The following SDCCAG8 variants were observed in gnomAD, a reference collection of about 807,000 sequenced individuals.
The protein encoded by SDCCAG8 is SHH signaling and ciliogenesis regulator SDCCAG8.
In SDCCAG8, 74 loss-of-function variants were observed where a neutral mutation model predicts 101.8. The ratio of observed to expected loss-of-function variants is 0.73; its 90% CI spans 0.60 to 0.88. The LOEUF is 0.88. Among genes scored for constraint, SDCCAG8 ranks in the 40% least tolerant of loss-of-function variants. SDCCAG8 has a pLI of 0.00. For missense variants in SDCCAG8, 787 were observed against 822.6 expected (o/e 0.96, Z 0.53); for synonymous variants, 281 against 292.9 (o/e 0.96, Z 0.41).
At chr1:243,276,297 T>C (rs1373444172) in intron 4 of SDCCAG8, among the ~76,000 whole-genome samples, 1 of 152,178 alleles carries the variant, frequency 6.6e-6, no homozygotes, top group Admixed American at 6.5e-5. Flanking sequence ...TACTTTATCT[T>C]CCTGCAGTGG....
intron 17 of SDCCAG8, among the ~76,000 whole-genome samples, chr1:243,489,754 G>C (rs1035854575): frequency 1.3e-5 from 2 of 152,170 alleles, no homozygotes; most frequent in Admixed American, 1.3e-4. Context: ...GCCCAGACAA[G>C]CATTACAGCT....
At chr1:243,492,099 G>C (rs557549154) in intron 17 of SDCCAG8, among the ~76,000 whole-genome samples, 2 of 152,112 alleles carry the variant, frequency 1.3e-5, no homozygotes, top group South Asian at 2.1e-4. Context: ...CTGTTGGCAG[G>C]CTTCATTATT....
intron 12 of SDCCAG8, among the ~76,000 whole-genome samples, chr1:243,347,227 G>A (rs1395091530): frequency 6.6e-6 from 1 of 151,840 alleles, no homozygotes; most frequent in Non-Finnish European, 1.5e-5. Flanking sequence ...ATTTTAAATG[G>A]ATCTCAGACC....
At chr1:243,392,084 C>T (rs975077799) in intron 13 of SDCCAG8, among the ~76,000 whole-genome samples, 1 of 152,156 alleles carries the variant, frequency 6.6e-6, no homozygotes, top group Non-Finnish European at 1.5e-5. Flanking sequence ...TTCCTACAGA[C>T]CTTAACTGTG....
intron 12 of SDCCAG8, among the ~76,000 whole-genome samples, chr1:243,348,046 T>C (rs2075831226): frequency 6.8e-6 from 1 of 146,184 alleles, no homozygotes; most frequent in Non-Finnish European, 1.5e-5. Context: ...TCTTTTTTTT[T>C]TTTTTTTAGG....
chr1:243,441,094 T>A (rs1000403188), intron 16 of SDCCAG8, among the ~76,000 whole-genome samples: 19 of 152,240 alleles, frequency 1.2e-4, no homozygotes, highest in Non-Finnish European at 2.5e-4. Flanking sequence ...GCCGGTATTT[T>A]AAAGGCATTT....
intron 13 of SDCCAG8, among the ~76,000 whole-genome samples, chr1:243,392,878 T>A (rs1482179067): frequency 2.0e-5 from 3 of 152,360 alleles, no homozygotes; most frequent in Non-Finnish European, 4.4e-5. Flanking sequence ...GCAAATAAAC[T>A]GTTAACGGAG....
chr1:243,442,829 A>G (rs2082635079), intron 16 of SDCCAG8, among the ~76,000 whole-genome samples: 2 of 152,198 alleles, frequency 1.3e-5, no homozygotes, highest in Non-Finnish European at 2.9e-5. Context: ...CCTGATTTAA[A>G]TGTTTGGCTG....
At chr1:243,298,131 C>T (rs1290160953) in intron 6 of SDCCAG8, among the ~76,000 whole-genome samples, 3 of 151,206 alleles carry the variant, frequency 2.0e-5, no homozygotes, top group Non-Finnish European at 4.4e-5. Context: ...TCACTGCAAC[C>T]TCCACCTCCC....
At chr1:243,388,982 G>A (rs1057215458) in intron 13 of SDCCAG8, among the ~76,000 whole-genome samples, 2 of 140,332 alleles carry the variant, frequency 1.4e-5, no homozygotes, top group South Asian at 2.4e-4. Context: ...GGGAGGCTAC[G>A]TGGTGGTGCG....
chr1:243,475,553 T>C (rs1662241642), intron 16 of SDCCAG8, among the ~76,000 whole-genome samples: 1 of 152,136 alleles, frequency 6.6e-6, no homozygotes, highest in South Asian at 2.1e-4. Flanking sequence ...AAACCCCTCG[T>C]CCGCTCTCAG....
intron 10 of SDCCAG8, among the ~76,000 whole-genome samples, chr1:243,335,649 T>C (rs1262832130): frequency 6.6e-6 from 1 of 152,192 alleles, no homozygotes; most frequent in African/African-American, 2.4e-5. Context: ...TATTTTTAAC[T>C]TTTAGATTCA....
At chr1:243,320,432 A>G (rs1187807155) in intron 9 of SDCCAG8, among the ~76,000 whole-genome samples, 1 of 152,080 alleles carries the variant, frequency 6.6e-6, no homozygotes, top group Non-Finnish European at 1.5e-5. Context: ...ATTCTTTCCC[A>G]TGCCCGTGGT....
At chr1:243,462,378 G>A (rs1659294356) in intron 16 of SDCCAG8, among the ~76,000 whole-genome samples, 1 of 152,192 alleles carries the variant, frequency 6.6e-6, no homozygotes, top group Admixed American at 6.5e-5. Flanking sequence ...ATAAAGACAT[G>A]ACAGAAAGCA....
intron 1 of SDCCAG8, among the ~76,000 whole-genome samples, chr1:243,257,118 C>T (rs573961433): frequency 1.1e-3 from 162 of 152,216 alleles, no homozygotes; most frequent in Middle Eastern, 6.8e-3. Flanking sequence ...ATGAAATAAT[C>T]CCCATAAAGC....
chr1:243,397,383 T>A (rs544510310), intron 13 of SDCCAG8, among the ~76,000 whole-genome samples: 11 of 152,346 alleles, frequency 7.2e-5, no homozygotes, highest in Non-Finnish European at 1.2e-4. Flanking sequence ...TAAGCTTTTT[T>A]AAATCCATCC....
chr1:243,336,845 G>T (rs532168043), intron 10 of SDCCAG8, among the ~76,000 whole-genome samples: 1 of 152,114 alleles, frequency 6.6e-6, no homozygotes, highest in Non-Finnish European at 1.5e-5. Context: ...TTTTAATGGG[G>T]TTGTTTTCTG....
intron 16 of SDCCAG8, among the ~76,000 whole-genome samples, chr1:243,446,658 C>T (rs953604918): frequency 3.3e-4 from 50 of 152,186 alleles, no homozygotes; most frequent in African/African-American, 1.2e-3. Flanking sequence ...GGCTTAAGAA[C>T]ATCAGCCTCA....
At chr1:243,410,747 A>AT in intron 13 of SDCCAG8, among the ~76,000 whole-genome samples, 1 of 152,330 alleles carries the variant, frequency 6.6e-6, no homozygotes, top group Admixed American at 6.5e-5. Context: ...TGACATGAAC[A>AT]TTTTTTAAAT....
Sources: allele counts gnomAD v4.1 joint callset (sites outside exome capture counted in the v4.1 genomes callset), GRCh38; gene constraint gnomAD v4.1.1; transcripts MANE v1.5; gene names NCBI Gene and HGNC (gene_info 2026-07-23, HGNC 2026-07-21).